Variants in WASF2 observed in about 807,000 individuals in gnomAD.
WASF2 encodes the protein WASP family member 2.
WASF2 carries 14 observed loss-of-function variants against 45.0 expected under a neutral mutation model. The observed-to-expected ratio is 0.31, with a 90% CI of 0.21 to 0.49. The LOEUF (loss-of-function observed/expected upper bound fraction) is 0.49, where lower values mean the gene tolerates loss of function less well. Ranked by LOEUF, WASF2 falls within the 20% of genes least tolerant of loss-of-function variation. WASF2 has a pLI of 0.99. For synonymous variants in WASF2, 200 were observed against 236.3 expected (o/e 0.85, Z 1.41); for missense variants, 439 against 636.1 (o/e 0.69, Z 3.33).
At chr1:27,472,787 C>CCCAT (rs1168781020) in intron 1 of WASF2, among the ~76,000 whole-genome samples, 2 of 146,528 alleles carry the variant, frequency 1.4e-5, no homozygotes, top group Non-Finnish European at 3.0e-5. Flanking sequence ...AAAGCAAGAC[C>CCCAT]CCATCTTTAC....
At chr1:27,463,801 A>AT (rs71493572) in intron 1 of WASF2, among the ~76,000 whole-genome samples, 126 of 118,592 alleles carry the variant, frequency 1.1e-3, no homozygotes, top group Admixed American at 3.8e-3. Context: ...TATTATTATT[A>AT]TTATTTTTTT....
chr1:27,430,392 G>A (rs1311455555), intron 1 of WASF2, among the ~76,000 whole-genome samples: 1 of 151,568 alleles, frequency 6.6e-6, no homozygotes, highest in Admixed American at 6.6e-5. Context: ...ACAGGGTCTC[G>A]CTCTGTCACC....
chr1:27,427,949 A>G (rs917497804), intron 2 of WASF2, among the ~76,000 whole-genome samples: 12 of 152,074 alleles, frequency 7.9e-5, no homozygotes, highest in African/African-American at 2.9e-4. Flanking sequence ...CAAGCAAACA[A>G]AGTCAACTTG....
At chr1:27,458,153 A>AC (rs2017498108) in intron 1 of WASF2, among the ~76,000 whole-genome samples, 1 of 151,854 alleles carries the variant, frequency 6.6e-6, no homozygotes, top group South Asian at 2.1e-4. Flanking sequence ...CTACTAAAAT[A>AC]CAAAAAAAAA....
At chr1:27,484,770 C>T (rs2017899675) in intron 1 of WASF2, among the ~76,000 whole-genome samples, 1 of 149,818 alleles carries the variant, frequency 6.7e-6, no homozygotes. Context: ...CGAGATCACG[C>T]CACTGCACTC....
At chr1:27,450,430 TCTC>T (rs544190316) in intron 1 of WASF2, among the ~76,000 whole-genome samples, 30 of 152,308 alleles carry the variant, frequency 2.0e-4, no homozygotes, top group African/African-American at 6.0e-4. Flanking sequence ...CTTGTCTTCC[TCTC>T]CTCAATACTT....
chr1:27,477,014 T>C (rs1215458751), intron 1 of WASF2, among the ~76,000 whole-genome samples: 2 of 152,192 alleles, frequency 1.3e-5, no homozygotes, highest in African/African-American at 4.8e-5. Context: ...GACTGTACCC[T>C]GAATACAGCT....
intron 1 of WASF2, among the ~76,000 whole-genome samples, chr1:27,451,246 C>T (rs922610428): frequency 1.3e-5 from 2 of 152,080 alleles, no homozygotes; most frequent in African/African-American, 4.8e-5. Context: ...GTAAGTGTGA[C>T]TACAAATGTT....
intron 1 of WASF2, among the ~76,000 whole-genome samples, chr1:27,470,690 A>T (rs1473592278): frequency 6.6e-6 from 1 of 152,152 alleles, no homozygotes; most frequent in African/African-American, 2.4e-5. Flanking sequence ...GGTGGGCAGG[A>T]GATAAGCTGA....
At chr1:27,474,288 C>T (rs2148139892) in intron 1 of WASF2, among the ~76,000 whole-genome samples, 1 of 151,776 alleles carries the variant, frequency 6.6e-6, no homozygotes, top group Non-Finnish European at 1.5e-5. Context: ...TTTAAATCTT[C>T]AAGCACCTCA....
At chr1:27,486,510 A>G (rs2017926381) in intron 1 of WASF2, among the ~76,000 whole-genome samples, 1 of 152,224 alleles carries the variant, frequency 6.6e-6, no homozygotes. Flanking sequence ...AAAATAACGC[A>G]TAAAAAGACT....
intron 1 of WASF2, among the ~76,000 whole-genome samples, chr1:27,476,798 A>G (rs554028241): frequency 1.3e-5 from 2 of 152,186 alleles, no homozygotes; most frequent in Non-Finnish European, 2.9e-5. Context: ...CAATAGTGAA[A>G]TCTTCCCAGT....
At chr1:27,424,183 A>T (rs1352921567) in intron 2 of WASF2, among the ~76,000 whole-genome samples, 1 of 152,214 alleles carries the variant, frequency 6.6e-6, no homozygotes, top group Non-Finnish European at 1.5e-5. Flanking sequence ...AGTTCCACCC[A>T]GGTACAATGC....
chr1:27,425,357 G>C (rs1196568252), intron 2 of WASF2, among the ~76,000 whole-genome samples: 2 of 152,112 alleles, frequency 1.3e-5, no homozygotes, highest in East Asian at 3.9e-4. Context: ...TAGAGTACTG[G>C]GATTACAGGT....
At chr1:27,412,831 G>A in intron 6 of WASF2, 104 bp from the exon 7 acceptor site, 1 of 1,353,722 alleles carries the variant, frequency 7.4e-7, no homozygotes, top group Non-Finnish European at 1.0e-6. Flanking sequence ...AAGCTATTAG[G>A]GAGAAGTAAA....
chr1:27,482,145 A>G (rs1157503674), intron 1 of WASF2, among the ~76,000 whole-genome samples: 1 of 152,194 alleles, frequency 6.6e-6, no homozygotes, highest in Non-Finnish European at 1.5e-5. Context: ...AGGAAAAAAC[A>G]CTCATTCAAC....
At chr1:27,442,990 C>CA (rs782114128) in intron 1 of WASF2, among the ~76,000 whole-genome samples, 8,774 of 64,086 alleles carry the variant, frequency 0.14, 550 homozygotes, top group East Asian at 0.4. Context: ...GACTCTGTCT[C>CA]AAAAAAAAAA....
At chr1:27,455,695 C>G (rs2017457586) in intron 1 of WASF2, among the ~76,000 whole-genome samples, 1 of 152,110 alleles carries the variant, frequency 6.6e-6, no homozygotes, top group Non-Finnish European at 1.5e-5. Context: ...GATTACTTAC[C>G]TTTTTGTTTT....
chr1:27,439,867 GTA>G (rs148753061), intron 1 of WASF2, among the ~76,000 whole-genome samples: 1,932 of 152,106 alleles, frequency 0.013, 33 homozygotes, highest in African/African-American at 0.044. Flanking sequence ...AGGTGTAGTG[GTA>G]CACACCTGTA....
Sources: allele counts gnomAD v4.1 joint callset (sites outside exome capture counted in the v4.1 genomes callset), GRCh38; gene constraint gnomAD v4.1.1; transcripts MANE v1.5; gene names NCBI Gene and HGNC (gene_info 2026-07-23, HGNC 2026-07-21).